ITGB6: variants seen among roughly 807,000 people sequenced by gnomAD.
ITGB6 encodes integrin subunit beta 6, also known as integrin beta-6.
In ITGB6, 80 loss-of-function variants were observed where a neutral mutation model predicts 84.5. That is an observed-to-expected ratio of 0.95 (90% CI 0.79 to 1.14). ITGB6 has a LOEUF of 1.14. Among genes scored for constraint, ITGB6 ranks in the 50% most tolerant of loss-of-function variants. The pLI, the probability that ITGB6 is intolerant of heterozygous loss-of-function variation, is 0.00. For synonymous variants in ITGB6, 383 were observed against 354.9 expected, an observed-to-expected ratio of 1.08 and a Z score of -0.89; for missense variants, 1,006 against 968.0, an observed-to-expected ratio of 1.04 and a Z score of -0.52.
At chr2:160,144,865 C>T (rs62175380) in intron 7 of ITGB6, among the ~76,000 whole-genome samples, 29,836 of 152,120 alleles carry the variant, frequency 0.2, 3,219 homozygotes, top group Admixed American at 0.32. Context: ...GATATAAAAG[C>T]GTTGGCAGCC....
chr2:160,187,383 C>T (rs1685945711), intron 4 of ITGB6, among the ~76,000 whole-genome samples: 2 of 151,958 alleles, frequency 1.3e-5, no homozygotes, highest in South Asian at 4.2e-4. Context: ...TTTCAGATTC[C>T]TCATTGAAAC....
At chr2:160,181,301 G>A (rs1250354317) in intron 4 of ITGB6, among the ~76,000 whole-genome samples, 1 of 152,182 alleles carries the variant, frequency 6.6e-6, no homozygotes, top group Non-Finnish European at 1.5e-5. Flanking sequence ...AGCTTGGTAG[G>A]GGGAGGGGCA....
chr2:160,147,479 T>C (rs79892122), intron 7 of ITGB6, among the ~76,000 whole-genome samples: 2,932 of 152,298 alleles, frequency 0.019, 101 homozygotes, highest in African/African-American at 0.067. Flanking sequence ...ATGAACAAAC[T>C]GATTCTAAAG....
intron 7 of ITGB6, among the ~76,000 whole-genome samples, chr2:160,148,695 G>C (rs1343757334): frequency 1.3e-5 from 2 of 152,174 alleles, no homozygotes; most frequent in African/African-American, 4.8e-5. Context: ...CCCTTTCCTA[G>C]CCAAGGGAAG....
At chr2:160,177,868 G>A (rs7593257) in intron 4 of ITGB6, among the ~76,000 whole-genome samples, 4 of 147,014 alleles carry the variant, frequency 2.7e-5, no homozygotes, top group South Asian at 2.1e-4. Flanking sequence ...TAAAAAGAGC[G>A]AACAGTTATC....
At chr2:160,129,425 G>T (rs1166825089) in intron 10 of ITGB6, among the ~76,000 whole-genome samples, 1 of 149,048 alleles carries the variant, frequency 6.7e-6, no homozygotes, top group Admixed American at 6.7e-5. Flanking sequence ...TGTGCATTAG[G>T]CATTTTGCCT....
intron 7 of ITGB6, among the ~76,000 whole-genome samples, chr2:160,146,608 A>G (rs1684200262): frequency 6.6e-6 from 1 of 152,048 alleles, no homozygotes; most frequent in African/African-American, 2.4e-5. Context: ...AATCTTTCTA[A>G]GTATTTTTTG....
At chr2:160,134,584 C>T (rs2105813260) in intron 10 of ITGB6, among the ~76,000 whole-genome samples, 1 of 152,292 alleles carries the variant, frequency 6.6e-6, no homozygotes, top group Admixed American at 6.5e-5. Flanking sequence ...ATACCAAAGC[C>T]TGGCAGAGAC....
intron 4 of ITGB6, among the ~76,000 whole-genome samples, chr2:160,175,584 A>G (rs1685387000): frequency 6.6e-6 from 1 of 152,222 alleles, no homozygotes; most frequent in African/African-American, 2.4e-5. Flanking sequence ...TGTTTAAAAT[A>G]GCCCCCAGGC....
chr2:160,111,407 T>C (rs900678087), intron 13 of ITGB6, among the ~76,000 whole-genome samples: 3 of 152,120 alleles, frequency 2.0e-5, no homozygotes, highest in Non-Finnish European at 2.9e-5. Flanking sequence ...AGCAGGATTC[T>C]CCTTATGTTT....
intron 7 of ITGB6, among the ~76,000 whole-genome samples, chr2:160,144,539 A>C (rs1227809341): frequency 6.6e-6 from 1 of 152,236 alleles, no homozygotes; most frequent in African/African-American, 2.4e-5. Context: ...ATCCCAGAAG[A>C]GACGGCAGAG....
In ITGB6 at chr2:160,106,754, T is replaced by C. The variant is rs555105506; in HGVS notation, c.2268+925A>G. 1.4e-3 allele frequency among the ~76,000 whole-genome samples: 215 copies of C among 152,300 alleles called. 1 individual carries two copies. Among genetic ancestry groups the C allele is most frequent in the Non-Finnish European group, 2.1e-3 (145 of 68,018 alleles). Reference sequence around the variant, plus strand: ...CAGAAACATCCCTTATCAAGATAAATTTATCAAAAATGGAAAATTCCATTT... The same window carrying C: ...CAGAAACATCCCTTATCAAGATAAACTTATCAAAAATGGAAAATTCCATTT... On this transcript the variant is annotated intron_variant, in intron 14 of 14. Coordinates refer to ENST00000283249, the MANE Select transcript of ITGB6 (RefSeq NM_000888.5).
Position 160,149,492 on chromosome 2 carries a change from TG to T in ITGB6, c.1018-7422del, listed in dbSNP as rs111934843. 8.7e-3 allele frequency among the ~76,000 whole-genome samples: 1,327 copies of T among 152,264 alleles called. 28 individuals carry two copies. Among genetic ancestry groups the T allele is most frequent in the African/African-American group, 0.031 (1,281 of 41,546 alleles). ...CCAAAGGTAGATTAAATCACAAAGA[TG>T]GGGAGAAACCAGAGCATAAAAGCTG... On this transcript the variant is annotated intron_variant, in intron 7 of 14. Transcript: ENST00000283249.
chr2:160,176,912 G>A (rs1264513944), intron 4 of ITGB6, among the ~76,000 whole-genome samples: 4 of 152,098 alleles, frequency 2.6e-5, no homozygotes, highest in Admixed American at 2.0e-4. Flanking sequence ...GAACATTTTT[G>A]TAATTAAATA....
intron 2 of ITGB6, among the ~76,000 whole-genome samples, chr2:160,196,752 G>A (rs1226135260): frequency 6.6e-6 from 1 of 152,030 alleles, no homozygotes; most frequent in African/African-American, 2.4e-5. Flanking sequence ...CCCAGGCCAT[G>A]ACCAGATCCT....
At chr2:160,127,067 T>C (rs1248840687) in intron 10 of ITGB6, among the ~76,000 whole-genome samples, 1 of 152,202 alleles carries the variant, frequency 6.6e-6, no homozygotes, top group Non-Finnish European at 1.5e-5. Context: ...GCAGACTCTT[T>C]GTAGCAATAA....
In ITGB6 at chr2:160,100,226, A is replaced by G. The variant is rs1356595294; in HGVS notation, c.*1510T>C. ...TTATAGATTTTGCTGTGACAATTCAATGGACAACCACGAAGCCTCCACTAC... is the reference window on the plus strand; with the variant it reads ...TTATAGATTTTGCTGTGACAATTCAGTGGACAACCACGAAGCCTCCACTAC... On this transcript the variant is annotated 3_prime_UTR_variant, in exon 15 of 15. Coordinates refer to ENST00000283249, the MANE Select transcript of ITGB6 (RefSeq NM_000888.5). The G allele has an allele frequency of 6.6e-6, 1 of 152,232 alleles. No individual in the cohort carries two copies. Among genetic ancestry groups the G allele is most frequent in the African/African-American group, 2.4e-5 (1 of 41,460 alleles). The allele number at this position is 152,232 out of a possible 1,614,324, so 9.4% of individuals were successfully genotyped here. A position where few individuals can be genotyped will look rare whatever the true frequency, so the allele number is the denominator to read the frequency against.
chr2:160,200,072 G>T lies in ITGB6; in HGVS notation c.-9C>A, dbSNP rs779321365. The T allele has an allele frequency of 5.6e-6, 9 of 1,613,092 alleles. No individual in the cohort carries two copies. In the East Asian group the frequency reaches 1.6e-4, roughly 28 times the overall value. ...AGCAGTTCAATCCCCATTCGTTTCAGTTCTTGCTGTGCAGACCGATTAAAA... is the reference window on the plus strand; with the variant it reads ...AGCAGTTCAATCCCCATTCGTTTCATTTCTTGCTGTGCAGACCGATTAAAA... On this transcript the variant is annotated 5_prime_UTR_variant, in exon 1 of 15. The change creates a new upstream start codon in the 5' untranslated region. Coordinates refer to ENST00000283249, the MANE Select transcript of ITGB6 (RefSeq NM_000888.5).
chr2:160,186,387 A>G (rs1420095947), intron 4 of ITGB6, among the ~76,000 whole-genome samples: 2 of 152,244 alleles, frequency 1.3e-5, no homozygotes, highest in Admixed American at 1.3e-4. Context: ...ACTGGTCATC[A>G]GAGAAATGCA....
Sources: gnomAD v4.1 joint callset for allele counts (sites outside exome capture counted in the v4.1 genomes callset) on GRCh38, gnomAD v4.1.1 for gene constraint, MANE v1.5 for transcripts, NCBI Gene and HGNC (gene_info 2026-07-23, HGNC 2026-07-21) for gene names.